GRID2IP: variants seen among roughly 807,000 people sequenced by gnomAD.
The protein encoded by GRID2IP is Grid2 interacting protein.
A neutral mutation model predicts 114.3 loss-of-function variants in GRID2IP; 78 were observed. That is an observed-to-expected ratio of 0.68 (90% confidence interval 0.57 to 0.82). The LOEUF is 0.82. Among genes scored for constraint, GRID2IP ranks in the 40% least tolerant of loss-of-function variants. The pLI, the probability that GRID2IP is intolerant of heterozygous loss-of-function variation, is 0.00. For synonymous variants in GRID2IP, 809 were observed against 724.0 expected (o/e 1.12, Z -1.89); for missense variants, 1,727 against 1,678.5 (o/e 1.03, Z -0.51).
intron 7 of GRID2IP, among the ~76,000 whole-genome samples, chr7:6,517,100 G>A (rs571816684): frequency 4.6e-5 from 7 of 151,132 alleles, no homozygotes; most frequent in Non-Finnish European, 8.9e-5. Flanking sequence ...TGTCACCCAG[G>A]CTGGAGTGCA....
chr7:6,525,958 G>T (rs1405593372), intron 4 of GRID2IP, among the ~76,000 whole-genome samples: 2 of 152,146 alleles, frequency 1.3e-5, no homozygotes, highest in African/African-American at 4.8e-5. Flanking sequence ...TTGGCTTGGG[G>T]GGATGCTGAA....
intron 8 of GRID2IP, 61 bp downstream of exon 8, chr7:6,514,314 C>G: frequency 7.3e-7 from 1 of 1,373,278 alleles, no homozygotes; most frequent in Non-Finnish European, 9.6e-7. Flanking sequence ...TGTCTGTTCA[C>G]CTGGTGAGCT....
At chr7:6,504,760 C>G (rs771357524) in intron 15 of GRID2IP, 33 bp downstream of exon 15, 174 of 1,523,760 alleles carry the variant, frequency 1.1e-4, no homozygotes, top group Non-Finnish European at 8.9e-6. Flanking sequence ...GCCGCCTGCC[C>G]CCTACACCCC....
intron 10 of GRID2IP, 89 bp downstream of exon 10, chr7:6,510,520 C>A: frequency 7.6e-7 from 1 of 1,314,898 alleles, no homozygotes; most frequent in Non-Finnish European, 1.0e-6. Context: ...CACAGGGACG[C>A]CTTGGCCTGG....
chr7:6,505,351 T>C lies in GRID2IP; in HGVS notation c.2632+469A>G, dbSNP rs185402462. Among the ~76,000 whole-genome samples, 185 of 146,792 alleles carry C rather than the reference T, an allele frequency of 1.3e-3. 1 individual carries two copies. Among genetic ancestry groups the C allele is most frequent in the African/African-American group, 4.5e-3 (180 of 39,586 alleles). On this transcript the variant is annotated intron_variant, in intron 14 of 21. Transcript: ENST00000457091. ...TGGTGTTTGATCACTGCACAGTAAA[T>C]GCCAGCTTTTTTTTTTTTTTTTTTT...
At chr7:6,504,654 AG>A in intron 15 of GRID2IP, 138 bp downstream of exon 15, 1 of 667,790 alleles carries the variant, frequency 1.5e-6, no homozygotes, top group Non-Finnish European at 2.6e-6. Context: ...GGGGCCTGGG[AG>A]GGGGCCTTCA....
chr7:6,519,878 G>A lies in GRID2IP; in HGVS notation c.1268+700C>T, dbSNP rs2115070770. The stretch of plus-strand genomic sequence containing the variant: ...ACCGAGGAGTGTGATAAATGCAGCT[G>A]GCTGCAGCTGAGGTCCAAAAAGAAA... On this transcript the variant is annotated intron_variant, in intron 7 of 21. Coordinates refer to ENST00000457091, the MANE Select transcript of GRID2IP (RefSeq NM_001145118.2). The surrounding 1 kb of genome is among the most constrained non-coding windows in gnomAD (Gnocchi z 4.1). 6.6e-6 allele frequency among the ~76,000 whole-genome samples: 1 copy of A among 152,342 alleles called. No individual in the cohort carries two copies. The highest frequency in any genetic ancestry group is 2.1e-4 in the South Asian group (1 of 4,830).
At chr7:6,510,582 C>G (rs1779120885) in intron 10 of GRID2IP, 27 bp downstream of exon 10, 1 of 1,491,636 alleles carries the variant, frequency 6.7e-7, no homozygotes, top group Admixed American at 2.4e-5. Flanking sequence ...CCTACTGACC[C>G]CACGTGGAGG....
At position 6,508,057 on chromosome 7, in the gene GRID2IP, C is replaced by T. The variant is rs1786645502; in HGVS notation, c.2472G>A (p.Glu824=). The T allele has an allele frequency of 6.5e-7, 1 of 1,548,818 alleles. No individual in the cohort carries two copies. Among genetic ancestry groups the T allele is most frequent in the South Asian group, 1.2e-5 (1 of 84,036 alleles). Residue 824 remains glutamate (E), a synonymous_variant, in exon 13 of 22, where the codon GAG becomes GAA. Coordinates refer to ENST00000457091, the MANE Select transcript of GRID2IP (RefSeq NM_001145118.2). This position sits in a 1 kb window ranked among gnomAD's most constrained non-coding sequence, Gnocchi z 5.6. The part of the protein sequence containing the change: ...LSRGLGHRRS[E]TSHMSVKRLR... ...AGCGCTTGACGCTCATGTGGCTGGT[C>T]TCACTGCGCCGGTGGCCCAGGCCCC... is the stretch of plus-strand genomic sequence containing the variant.
In GRID2IP at chr7:6,503,556, G is replaced by A. The variant is rs1786479591; in HGVS notation, c.2842C>T (p.Gln948Ter). The A allele has an allele frequency of 1.3e-6, 2 of 1,528,898 alleles. No homozygotes were observed. Among genetic ancestry groups the A allele is most frequent in the Non-Finnish European group, 1.7e-6 (2 of 1,144,160 alleles). The allele number at this position is 1,528,898 out of a possible 1,614,324, so 94.7% of individuals were successfully genotyped here. ...LLFAPDADEE[Q>*]RYQAFREAPG... The stretch of plus-strand genomic sequence containing the variant: ...GCCTCGCGGAAGGCCTGGTAGCGCT[G>A]CTCCTCGTCGGCGTCGGGCGCGAAG... Residue 948 changes from glutamine (Q) to a stop codon, truncating the protein, a stop_gained, in exon 16 of 22, where the codon CAG (glutamine) becomes TAG (stop). Coordinates refer to ENST00000457091, the MANE Select transcript of GRID2IP (RefSeq NM_001145118.2). LOFTEE classifies it high-confidence loss of function.
At chr7:6,510,502 T>C in intron 10 of GRID2IP, 102 bp from the exon 11 acceptor site, 1 of 1,302,218 alleles carries the variant, frequency 7.7e-7, no homozygotes, top group Admixed American at 2.9e-5. Flanking sequence ...TGCCCCAGCC[T>C]GAAGCAGCAC....
At chr7:6,529,208 T>A (rs905713774) in intron 2 of GRID2IP, among the ~76,000 whole-genome samples, 1 of 151,546 alleles carries the variant, frequency 6.6e-6, no homozygotes, top group Non-Finnish European at 1.5e-5. Context: ...CCTAGCACTT[T>A]AGGAGGCCGA....
At chr7:6,515,175 G>A (rs1779270266) in intron 7 of GRID2IP, among the ~76,000 whole-genome samples, 1 of 152,042 alleles carries the variant, frequency 6.6e-6, no homozygotes, top group African/African-American at 2.4e-5. Context: ...AAAACACACA[G>A]AGCAGGCCTG....
In GRID2IP at chr7:6,526,311, T is replaced by TG; in HGVS notation, c.834-3dup. The TG allele has an allele frequency of 6.4e-7, 1 of 1,551,624 alleles. No individual in the cohort carries two copies. Among genetic ancestry groups the TG allele is most frequent in the South Asian group, 1.2e-5 (1 of 84,050 alleles). ...TTGCCTTTGTAGACTCGGACAGTCC[T>TG]GGGGGAAAAAGAAGGGGCGAGCAGC... On this transcript the variant is annotated splice_region_variant and splice_polypyrimidine_tract_variant and intron_variant, in intron 3 of 21. Transcript: ENST00000457091. The surrounding 1 kb of genome is among the most constrained non-coding windows in gnomAD (Gnocchi z 7.6).
chr7:6,549,255 A>G (rs535204105), intron 1 of GRID2IP, among the ~76,000 whole-genome samples: 7 of 152,320 alleles, frequency 4.6e-5, no homozygotes, highest in Admixed American at 2.0e-4. Flanking sequence ...TTCAGGCCTG[A>G]GACCGACTCT....
In GRID2IP at chr7:6,521,236, G is replaced by C. The variant is rs916525152; in HGVS notation, c.1084+193C>G. Among the ~76,000 whole-genome samples, 2 of 152,184 alleles carry C rather than the reference G, an allele frequency of 1.3e-5. No individual in the cohort carries two copies. The highest frequency in any genetic ancestry group is 2.4e-5 in the African/African-American group (1 of 41,444). ...TCCTCCCACCTTGGCCTCCCAAAGT[G>C]CTGGGATTCCAGGCATGAGCCACCA... is the stretch of plus-strand genomic sequence containing the variant. On this transcript the variant is annotated intron_variant, in intron 6 of 21. Coordinates refer to ENST00000457091, the MANE Select transcript of GRID2IP (RefSeq NM_001145118.2). This position sits in a 1 kb window ranked among gnomAD's most constrained non-coding sequence, Gnocchi z 4.1.
At position 6,503,613 on chromosome 7, in the gene GRID2IP, G is replaced by C. The variant is rs941609506; in HGVS notation, c.2785C>G (p.Leu929Val). ...QVLMSMEPRR[L>V]EPAHLAQLLL... is the part of the protein sequence containing the mutation. ...AGCTGCGCGAGATGTGCGGGCTCCA[G>C]GCGCCGGGGCTCCATGCTCATCAGC... The change falls in exon 16 of 22, where the codon CTG becomes GTG. Residue 929 changes from leucine to valine, a missense_variant. Leu to Val is a conservative substitution (Grantham distance 32). Transcript: ENST00000457091. 6 of 1,528,988 alleles carry C rather than the reference G, an allele frequency of 3.9e-6. No individual in the cohort carries two copies. Among genetic ancestry groups the C allele is most frequent in the Non-Finnish European group, 5.2e-6 (6 of 1,144,330 alleles). 94.7% of individuals were successfully genotyped at this position (1,528,988 alleles called of 1,614,324 possible). A position where few individuals can be genotyped will look rare whatever the true frequency, so the allele number is the denominator to read the frequency against.
At position 6,536,243 on chromosome 7, in the gene GRID2IP, G is replaced by A. The variant is rs1355303775; in HGVS notation, c.584+3475C>T. 6.6e-6 allele frequency among the ~76,000 whole-genome samples: 1 copy of A among 152,178 alleles called. No homozygotes were observed. Among genetic ancestry groups the A allele is most frequent in the Admixed American group, 6.5e-5 (1 of 15,284 alleles). On this transcript the variant is annotated intron_variant, in intron 2 of 21. Transcript: ENST00000457091. This position sits in a 1 kb window ranked among gnomAD's most constrained non-coding sequence, Gnocchi z 5.3. ...GCCAGGGTAACATTCTCCTTGCGGA[G>A]CCCAGCTGGGCGCCGCCCCTTCCTC...
At chr7:6,503,841 G>A (rs1786491813) in intron 15 of GRID2IP, among the ~76,000 whole-genome samples, 154 bp from the exon 16 acceptor site, 1 of 151,866 alleles carries the variant, frequency 6.6e-6, no homozygotes, top group African/African-American at 2.4e-5. Flanking sequence ...GACAAGAAAC[G>A]CGGACGGGGA....
Sources: gnomAD v4.1 joint callset for allele counts (sites outside exome capture counted in the v4.1 genomes callset) on GRCh38, gnomAD v4.1.1 for gene constraint, Gnocchi (gnomAD v3.1) non-coding constraint, MANE v1.5 for transcripts, NCBI Gene and HGNC (gene_info 2026-07-23, HGNC 2026-07-21) for gene names.